Variants in ZCWPW2 observed in about 807,000 individuals in gnomAD.
The protein encoded by ZCWPW2 is zinc finger CW-type and PWWP domain containing 2, also known as zinc finger CW-type PWWP domain protein 2.
In ZCWPW2, 45 loss-of-function variants were observed where a neutral mutation model predicts 46.6. The ratio of observed to expected loss-of-function variants is 0.96; its 90% CI spans 0.76 to 1.24. The LOEUF is 1.24. Among genes scored for constraint, ZCWPW2 ranks in the 50% most tolerant of loss-of-function variants. ZCWPW2 has a pLI of 0.00. For missense variants in ZCWPW2, 429 were observed against 403.9 expected (o/e 1.06, Z -0.53); for synonymous variants, 152 against 137.1 (o/e 1.11, Z -0.76).
chr3:28,496,893 G>A (rs950816479), intron 6 of ZCWPW2, among the ~76,000 whole-genome samples: 4 of 151,360 alleles, frequency 2.6e-5, no homozygotes, highest in Admixed American at 6.6e-5. Flanking sequence ...TGCAAAGATG[G>A]ATGATAAAAA....
intron 4 of ZCWPW2, among the ~76,000 whole-genome samples, chr3:28,438,195 G>C (rs1697576236): frequency 1.3e-5 from 2 of 152,248 alleles, no homozygotes; most frequent in Admixed American, 1.3e-4. Flanking sequence ...TGATCACAAA[G>C]GTACAGACAA....
rs751395592 is a variant in ZCWPW2 at position 28,478,867 on chromosome 3, A to G, written c.546A>G (p.Ala182=). ...GGTATAAAAGTGCACTACAAGAAGC[A>G]TGTCTACTCTATGGATATTCTCATG... ...KKWYKSALQE[A]CLLYGYSHEQ... is the part of the protein sequence containing the mutation. Residue 182 remains alanine, a synonymous_variant, in exon 5 of 10, where the codon GCA becomes GCG. Coordinates refer to ENST00000383768, the MANE Select transcript of ZCWPW2 (RefSeq NM_001040432.4). 4 of 1,587,044 alleles carry G rather than the reference A, an allele frequency of 2.5e-6. No individual in the cohort carries two copies. Among genetic ancestry groups the G allele is most frequent in the Non-Finnish European group, 3.4e-6 (4 of 1,169,552 alleles).
intron 1 of ZCWPW2, among the ~76,000 whole-genome samples, chr3:28,353,137 T>C (rs1704617910): frequency 6.6e-6 from 1 of 152,168 alleles, no homozygotes; most frequent in South Asian, 2.1e-4. Context: ...TGAACTGAGA[T>C]TGCACCACTG....
rs373615351 is a variant in ZCWPW2, at chr3:28,435,276, A to G, written c.492+7A>G. The G allele has an allele frequency of 4.5e-5, 72 of 1,583,704 alleles. No homozygotes were observed. The highest frequency in any genetic ancestry group is 7.9e-5 in the Admixed American group (4 of 50,808). On this transcript the variant is annotated splice_region_variant and intron_variant, in intron 4 of 9. Coordinates refer to ENST00000383768, the MANE Select transcript of ZCWPW2 (RefSeq NM_001040432.4). ...TTATAGTATCACATTAAAGGTAGGT[A>G]TCATAACATCAAAACTTTATTCTTC...
chr3:28,478,005 A>G (rs540099242), intron 4 of ZCWPW2, among the ~76,000 whole-genome samples: 16 of 152,078 alleles, frequency 1.1e-4, no homozygotes, highest in Non-Finnish European at 2.4e-4. Flanking sequence ...TTTGAAAATT[A>G]AATATGCATT....
At chr3:28,481,475 T>A (rs981792786) in intron 5 of ZCWPW2, among the ~76,000 whole-genome samples, 2 of 152,166 alleles carry the variant, frequency 1.3e-5, no homozygotes, top group Admixed American at 1.3e-4. Context: ...ACTCCTGACC[T>A]CAGGTGATCC....
At chr3:28,398,885 G>A (rs1296006202) in intron 2 of ZCWPW2, among the ~76,000 whole-genome samples, 2 of 152,188 alleles carry the variant, frequency 1.3e-5, no homozygotes, top group African/African-American at 2.4e-5. Context: ...CAGGGAGAAG[G>A]AAATATCCAG....
chr3:28,445,078 A>G (rs1042497027), intron 4 of ZCWPW2, among the ~76,000 whole-genome samples: 2 of 151,696 alleles, frequency 1.3e-5, no homozygotes, highest in African/African-American at 2.4e-5. Context: ...TTAATATTCT[A>G]TTCCTCTGGA....
chr3:28,478,749 G>A (rs1310560505), intron 4 of ZCWPW2, 65 bp from the exon 5 acceptor site: 5 of 800,616 alleles, frequency 6.2e-6, no homozygotes, highest in Non-Finnish European at 9.1e-6. Flanking sequence ...AGCTTAATAA[G>A]TGGATTTTAA....
chr3:28,390,821 G>A (rs1338601627), intron 2 of ZCWPW2, among the ~76,000 whole-genome samples: 3 of 152,174 alleles, frequency 2.0e-5, no homozygotes, highest in Admixed American at 1.3e-4. Context: ...AAATTAGAAG[G>A]TTGTGGAATC....
intron 3 of ZCWPW2, among the ~76,000 whole-genome samples, chr3:28,430,241 G>A (rs1697199313): frequency 6.6e-6 from 1 of 152,240 alleles, no homozygotes. Flanking sequence ...CCCACCTCTT[G>A]CATCAGCGTG....
Position 28,349,116 on chromosome 3 carries a change from G to C in ZCWPW2, c.-221G>C, listed in dbSNP as rs1002141628. 35 of 985,742 alleles carry C rather than the reference G, an allele frequency of 3.6e-5. No individual in the cohort carries two copies. The highest frequency in any genetic ancestry group is 4.2e-5 in the Non-Finnish European group (35 of 830,188). The allele number at this position is 985,742 out of a possible 1,614,324, so 61.1% of individuals were successfully genotyped here. On this transcript the variant is annotated 5_prime_UTR_variant, in exon 1 of 10. Transcript: ENST00000383768. The stretch of plus-strand genomic sequence containing the variant: ...GGGGGTGGGGAAGTGCAGGAGTGGC[G>C]CGCGGCGTACTACATGTCCCGTGAG...
intron 4 of ZCWPW2, among the ~76,000 whole-genome samples, chr3:28,447,462 T>TAA (rs548307779): frequency 6.9e-6 from 1 of 145,260 alleles, no homozygotes; most frequent in African/African-American, 2.5e-5. Context: ...TTTCATGATT[T>TAA]AAAAAAAAAA....
intron 1 of ZCWPW2, among the ~76,000 whole-genome samples, chr3:28,370,103 C>T (rs892519871): frequency 1.3e-5 from 2 of 152,232 alleles, no homozygotes; most frequent in Non-Finnish European, 2.9e-5. Flanking sequence ...CCTTGAGCTT[C>T]CTGGGTGAGG....
intron 1 of ZCWPW2, among the ~76,000 whole-genome samples, chr3:28,384,906 G>A (rs188279419): frequency 9.1e-4 from 139 of 152,236 alleles, no homozygotes; most frequent in African/African-American, 3.1e-3. Context: ...GTGAGCCACC[G>A]TGCCCGGCCA....
chr3:28,409,083 A>G (rs563921035), intron 2 of ZCWPW2, among the ~76,000 whole-genome samples: 4 of 150,278 alleles, frequency 2.7e-5, no homozygotes, highest in Admixed American at 1.3e-4. Context: ...AACACAGAAA[A>G]TATTCCCGAT....
intron 1 of ZCWPW2, among the ~76,000 whole-genome samples, chr3:28,371,116 A>T (rs1180105084): frequency 6.6e-6 from 1 of 152,128 alleles, no homozygotes; most frequent in African/African-American, 2.4e-5. Flanking sequence ...TTAGACTTTA[A>T]ATTTATCGTA....
chr3:28,394,862 G>A (rs1009667538), intron 2 of ZCWPW2, among the ~76,000 whole-genome samples: 16 of 151,978 alleles, frequency 1.1e-4, no homozygotes, highest in African/African-American at 3.6e-4. Context: ...TAATTTCTTG[G>A]ATGTGACACC....
chr3:28,399,249 AC>A lies in ZCWPW2; in HGVS notation c.-14+8637del, dbSNP rs1371112392. The stretch of plus-strand genomic sequence containing the variant: ...ATAACTGCTTTGACCTGGGAACCTT[AC>A]CCCCATCCTCCACAGCAGCTGCAGC... On this transcript the variant is annotated intron_variant, in intron 2 of 9. Transcript: ENST00000383768. Among the ~76,000 whole-genome samples the A allele has an allele frequency of 1.6e-4, 24 of 151,790 alleles. 1 individual carries two copies. Among genetic ancestry groups the A allele is most frequent in the Admixed American group, 1.6e-3 (24 of 15,238 alleles).
Sources: gnomAD v4.1 joint callset for allele counts (sites outside exome capture counted in the v4.1 genomes callset) on GRCh38, gnomAD v4.1.1 for gene constraint, MANE v1.5 for transcripts, NCBI Gene and HGNC (gene_info 2026-07-23, HGNC 2026-07-21) for gene names.